Variants in PRDM5 observed in about 807,000 individuals in gnomAD.
PRDM5 encodes the protein PR/SET domain 5.
A neutral mutation model predicts 81.2 loss-of-function variants in PRDM5; 56 were observed. The ratio of observed to expected loss-of-function variants is 0.69; its 90% CI spans 0.56 to 0.86. The LOEUF (loss-of-function observed/expected upper bound fraction) is 0.86. PRDM5 is among the 40% of genes least tolerant of loss of function. PRDM5 has a pLI of 0.00. For missense variants in PRDM5, 697 were observed against 770.1 expected (o/e 0.91, Z 1.12); for synonymous variants, 267 against 256.4 (o/e 1.04, Z -0.39).
At chr4:120,862,258 T>C (rs1470776162) in intron 2 of PRDM5, among the ~76,000 whole-genome samples, 2 of 152,258 alleles carry the variant, frequency 1.3e-5, no homozygotes, top group African/African-American at 4.8e-5. Context: ...TATTTTCAAA[T>C]GTGCTATGAA....
intron 13 of PRDM5, among the ~76,000 whole-genome samples, chr4:120,765,525 A>G (rs1292411030): frequency 6.6e-6 from 1 of 152,204 alleles, no homozygotes; most frequent in Non-Finnish European, 1.5e-5. Context: ...CTACTATTTC[A>G]GCTGACCCAC....
intron 7 of PRDM5, 145 bp downstream of exon 7, chr4:120,816,307 GA>G: frequency 2.3e-6 from 3 of 1,319,698 alleles, no homozygotes; most frequent in Non-Finnish European, 2.1e-6. Context: ...TTCAGTGAAA[GA>G]AAAAAATCCA....
At chr4:120,721,834 TA>T (rs2149059134) in intron 14 of PRDM5, among the ~76,000 whole-genome samples, 1 of 152,334 alleles carries the variant, frequency 6.6e-6, no homozygotes, top group African/African-American at 2.4e-5. Flanking sequence ...CATGTAGCCG[TA>T]ACATGGGAAG....
chr4:120,918,087 C>T (rs577223239), intron 1 of PRDM5, among the ~76,000 whole-genome samples: 7 of 152,154 alleles, frequency 4.6e-5, no homozygotes, highest in Admixed American at 1.3e-4. Context: ...TAAAACAGTG[C>T]CTAAAAACTG....
At chr4:120,731,370 T>C (rs904767098) in intron 14 of PRDM5, among the ~76,000 whole-genome samples, 101 of 149,932 alleles carry the variant, frequency 6.7e-4, no homozygotes, top group African/African-American at 1.6e-3. Context: ...AGGTCTTCTT[T>C]TTTTTTTTTT....
rs10608924 is a variant in PRDM5, at chr4:120,706,758, T to TTATATA, written c.1728+3545_1728+3550dup. ...TATATATATGTCCATTATATAAATT[T>TTATATA]TATATATATATATATATATGCCCAT... On this transcript the variant is annotated intron_variant, in intron 15 of 15. Coordinates refer to ENST00000264808, the MANE Select transcript of PRDM5 (RefSeq NM_018699.4). Among the ~76,000 whole-genome samples the TTATATA allele has an allele frequency of 2.6e-3, 381 of 143,974 alleles. 2 individuals carry two copies. Among genetic ancestry groups the TTATATA allele is most frequent in the African/African-American group, 9.3e-3 (368 of 39,510 alleles). 94.5% of individuals were successfully genotyped at this position (143,974 alleles called of 152,430 possible).
In PRDM5 at chr4:120,694,717, A is replaced by G. The variant is rs1381219636; in HGVS notation, c.*394T>C. On this transcript the variant is annotated 3_prime_UTR_variant, in exon 16 of 16. Coordinates refer to ENST00000264808, the MANE Select transcript of PRDM5 (RefSeq NM_018699.4). ...AACTGGCATTTGCAAGTGAGTGCAC[A>G]CACACAGACACATACAGACACACAG... 1 of 174,132 alleles carries G rather than the reference A, an allele frequency of 5.7e-6. No homozygotes were observed. The highest frequency in any genetic ancestry group is 1.2e-5 in the Non-Finnish European group (1 of 80,416). The allele number at this position is 174,132 out of a possible 1,614,324, so 10.8% of individuals were successfully genotyped here.
At chr4:120,839,004 C>A (rs1457363072) in intron 3 of PRDM5, 2 of 547,130 alleles carry the variant, frequency 3.7e-6, no homozygotes, top group African/African-American at 1.9e-5. Flanking sequence ...TGCCAGGCTG[C>A]AGCTGGGACA....
At chr4:120,742,046 G>A (rs1742096473) in intron 14 of PRDM5, among the ~76,000 whole-genome samples, 2 of 152,214 alleles carry the variant, frequency 1.3e-5, no homozygotes, top group Admixed American at 6.5e-5. Flanking sequence ...GCTTTGAAGA[G>A]AGCAGTGGTT....
intron 14 of PRDM5, among the ~76,000 whole-genome samples, chr4:120,735,596 G>A (rs1740987425): frequency 6.6e-6 from 1 of 152,154 alleles, no homozygotes; most frequent in Non-Finnish European, 1.5e-5. Context: ...GGCTGGATGG[G>A]AGATACAGTC....
chr4:120,823,142 A>G (rs1755510995), intron 3 of PRDM5, among the ~76,000 whole-genome samples: 1 of 152,146 alleles, frequency 6.6e-6, no homozygotes, highest in Non-Finnish European at 1.5e-5. Context: ...TGTTTATCTG[A>G]TCAATATCCA....
At chr4:120,818,212 T>C (rs1754791082) in intron 5 of PRDM5, 141 bp downstream of exon 5, 2 of 788,256 alleles carry the variant, frequency 2.5e-6, no homozygotes. Context: ...CAATGTAAAA[T>C]GCTTAATCTC....
chr4:120,881,554 A>AT (rs2148584267), intron 2 of PRDM5, among the ~76,000 whole-genome samples: 1 of 152,310 alleles, frequency 6.6e-6, no homozygotes, highest in Admixed American at 6.5e-5. Context: ...TTGTGTCTGG[A>AT]TTTTTTGACT....
intron 2 of PRDM5, among the ~76,000 whole-genome samples, chr4:120,862,957 G>A (rs1760773023): frequency 6.6e-6 from 1 of 151,524 alleles, no homozygotes. Context: ...CCAGGAGTTC[G>A]AGACCAGCCT....
intron 3 of PRDM5, among the ~76,000 whole-genome samples, chr4:120,842,466 C>T (rs1561459324): frequency 6.6e-6 from 1 of 152,164 alleles, no homozygotes; most frequent in Non-Finnish European, 1.5e-5. Flanking sequence ...GCCAGTTCAA[C>T]AAGCACTTAC....
In PRDM5 at chr4:120,887,931, T is replaced by G. The variant is rs962386680; in HGVS notation, c.177+19543A>C. On this transcript the variant is annotated intron_variant, in intron 2 of 15. Coordinates refer to ENST00000264808, the MANE Select transcript of PRDM5 (RefSeq NM_018699.4). Reference sequence around the variant, plus strand: ...CCTCAGCCTCCCAAGTAGCTGGGACTACAGGCGCCCGCCACTACGCCCGGC... The same window carrying G: ...CCTCAGCCTCCCAAGTAGCTGGGACGACAGGCGCCCGCCACTACGCCCGGC... 6.7e-5 allele frequency among the ~76,000 whole-genome samples: 7 copies of G among 105,178 alleles called. 3 individuals are homozygous for G. The highest frequency in any genetic ancestry group is 2.7e-4 in the African/African-American group (5 of 18,388). The allele number at this position is 105,178 out of a possible 152,430, so 69.0% of individuals were successfully genotyped here.
At chr4:120,722,924 C>G (rs1738843307) in intron 14 of PRDM5, among the ~76,000 whole-genome samples, 1 of 152,132 alleles carries the variant, frequency 6.6e-6, no homozygotes. Context: ...CCACTAACGA[C>G]CCTGTTGAGC....
intron 8 of PRDM5, among the ~76,000 whole-genome samples, chr4:120,808,109 A>G (rs1753265240): frequency 1.3e-5 from 2 of 152,146 alleles, no homozygotes; most frequent in Admixed American, 1.3e-4. Flanking sequence ...GCAAAGAGCA[A>G]AAGAACAAAG....
chr4:120,771,041 T>A (rs1404236506), intron 13 of PRDM5, among the ~76,000 whole-genome samples: 1 of 152,138 alleles, frequency 6.6e-6, no homozygotes, highest in Non-Finnish European at 1.5e-5. Flanking sequence ...CTTTTCATGT[T>A]ATTTAGTATA....
Sources: allele counts gnomAD v4.1 joint callset (sites outside exome capture counted in the v4.1 genomes callset), GRCh38; gene constraint gnomAD v4.1.1; transcripts MANE v1.5; gene names NCBI Gene and HGNC (gene_info 2026-07-23, HGNC 2026-07-21).